Variants in WHRN observed in about 807,000 individuals in gnomAD.
The protein encoded by WHRN is whirlin.
A neutral mutation model predicts 68.3 loss-of-function variants in WHRN; 41 were observed. That is an observed-to-expected ratio of 0.60 (90% CI 0.47 to 0.78). The LOEUF is 0.78. Among genes scored for constraint, WHRN ranks in the 30% least tolerant of loss-of-function variants. The pLI is 0.00. For missense variants in WHRN, 1,243 were observed against 1,244.7 expected (o/e 1.00, Z 0.02); for synonymous variants, 560 against 561.3 (o/e 1.00, Z 0.03).
At chr9:114,493,288 C>G (rs1843144832) in intron 1 of WHRN, among the ~76,000 whole-genome samples, 1 of 139,314 alleles carries the variant, frequency 7.2e-6, no homozygotes, top group African/African-American at 2.7e-5. Flanking sequence ...GAGTTCAAAG[C>G]TGCAGAGAGC....
At chr9:114,497,298 C>T (rs1485370341) in intron 1 of WHRN, among the ~76,000 whole-genome samples, 3 of 152,134 alleles carry the variant, frequency 2.0e-5, no homozygotes, top group Admixed American at 1.3e-4. Flanking sequence ...TGGCTGCTAA[C>T]TGAAGCAAAG....
At chr9:114,503,798 C>CA (rs1316800385) in intron 1 of WHRN, 1 of 240,504 alleles carries the variant, frequency 4.2e-6, no homozygotes, top group Non-Finnish European at 8.1e-6. Context: ...CAGGGAAAAA[C>CA]AAAAAACAAA....
chr9:114,477,000 G>A (rs1841703499), intron 2 of WHRN, among the ~76,000 whole-genome samples: 1 of 152,142 alleles, frequency 6.6e-6, no homozygotes, highest in Non-Finnish European at 1.5e-5. Context: ...ATAACCACTG[G>A]CAGCATTCTC....
intron 1 of WHRN, among the ~76,000 whole-genome samples, chr9:114,493,369 A>G (rs1843158240): frequency 1.2e-5 from 1 of 80,772 alleles, no homozygotes; most frequent in Non-Finnish European, 2.3e-5. Context: ...AAAAAAAAAA[A>G]AAGTGGGGGT....
intron 1 of WHRN, among the ~76,000 whole-genome samples, chr9:114,501,563 C>CAG (rs1243545631): frequency 6.6e-6 from 1 of 150,902 alleles, no homozygotes; most frequent in Non-Finnish European, 1.5e-5. Flanking sequence ...CACACACACA[C>CAG]ACACACACAC....
chr9:114,424,005 T>A (rs1192684859), intron 6 of WHRN, among the ~76,000 whole-genome samples: 1 of 152,218 alleles, frequency 6.6e-6, no homozygotes. Flanking sequence ...TGAAGATGAC[T>A]GACAGCTGGC....
At chr9:114,425,377 G>A in intron 4 of WHRN, 1 of 583,620 alleles carries the variant, frequency 1.7e-6, no homozygotes, top group Non-Finnish European at 3.0e-6. Flanking sequence ...CAGGAGCTTA[G>A]GGGCCGGTGA....
chr9:114,489,589 G>A (rs1842818417), intron 1 of WHRN, among the ~76,000 whole-genome samples: 1 of 151,872 alleles, frequency 6.6e-6, no homozygotes, highest in South Asian at 2.1e-4. Context: ...TGCTTTTCAG[G>A]TTAACTCACT....
chr9:114,403,657 T>C (rs1190163691), intron 10 of WHRN, among the ~76,000 whole-genome samples: 1 of 152,192 alleles, frequency 6.6e-6, no homozygotes, highest in Non-Finnish European at 1.5e-5. Flanking sequence ...AGCTTAAAGA[T>C]TCCCAAGACC....
intron 1 of WHRN, among the ~76,000 whole-genome samples, chr9:114,497,104 T>G (rs1843522789): frequency 6.6e-6 from 1 of 152,234 alleles, no homozygotes; most frequent in Admixed American, 6.5e-5. Flanking sequence ...CACAGGTATT[T>G]GGGAATATCC....
At chr9:114,492,015 GA>G (rs60968756) in intron 1 of WHRN, among the ~76,000 whole-genome samples, 6,780 of 144,508 alleles carry the variant, frequency 0.047, 258 homozygotes, top group African/African-American at 0.11. Context: ...TTTGTAATTT[GA>G]AAAAAAAAAA....
At chr9:114,467,909 A>G (rs926694516) in intron 2 of WHRN, among the ~76,000 whole-genome samples, 1 of 152,200 alleles carries the variant, frequency 6.6e-6, no homozygotes, top group African/African-American at 2.4e-5. Flanking sequence ...ACCTTCAGGC[A>G]CCAGGAAAGA....
intron 9 of WHRN, 45 bp from the exon 10 acceptor site, chr9:114,404,122 G>C: frequency 6.3e-7 from 1 of 1,590,480 alleles, no homozygotes. Context: ...TATAGCTGGG[G>C]TCAGGGAGGG....
Position 114,428,455 on chromosome 9 carries a change from T to A in WHRN, c.964-2042A>T, listed in dbSNP as rs1837089060. ...CTTTGTCCCTTTATATGTTTTCTCC[T>A]TAATATCACCAACATCCTATAAAGT... On this transcript the variant is annotated intron_variant, in intron 3 of 11. Transcript: ENST00000362057. Among the ~76,000 whole-genome samples, 5 of 152,208 alleles carry A rather than the reference T, an allele frequency of 3.3e-5. No homozygotes were observed. The South Asian group carries it at 1.0e-3, about 31-fold the overall frequency.
intron 1 of WHRN, among the ~76,000 whole-genome samples, chr9:114,494,309 T>C (rs2133356103): frequency 6.6e-6 from 1 of 152,366 alleles, no homozygotes; most frequent in South Asian, 2.1e-4. Flanking sequence ...AGTTTGAACA[T>C]GGTAAATGAT....
At chr9:114,409,053 C>T (rs552508273) in intron 7 of WHRN, among the ~76,000 whole-genome samples, 12 of 152,356 alleles carry the variant, frequency 7.9e-5, no homozygotes, top group African/African-American at 2.6e-4. Flanking sequence ...TTGCAGATGG[C>T]AGATCAGGGG....
chr9:114,500,359 A>C (rs556974655), intron 1 of WHRN, among the ~76,000 whole-genome samples: 2 of 152,188 alleles, frequency 1.3e-5, no homozygotes, highest in African/African-American at 4.8e-5. Flanking sequence ...AATAATTTGC[A>C]ATGGCTTCAG....
chr9:114,430,404 A>C (rs1450685969), intron 3 of WHRN, among the ~76,000 whole-genome samples: 2 of 152,262 alleles, frequency 1.3e-5, no homozygotes, highest in African/African-American at 4.8e-5. Context: ...ACTCAAATTT[A>C]AATGAGCATC....
intron 2 of WHRN, chr9:114,478,309 C>G (rs1294875131): frequency 4.3e-6 from 3 of 705,518 alleles, no homozygotes; most frequent in Non-Finnish European, 7.9e-6. Context: ...ATAAGCCAAT[C>G]AATAAATAAA....
Sources: allele counts gnomAD v4.1 joint callset (sites outside exome capture counted in the v4.1 genomes callset), GRCh38; gene constraint gnomAD v4.1.1; transcripts MANE v1.5; gene names NCBI Gene and HGNC (gene_info 2026-07-23, HGNC 2026-07-21).